The following C9orf50 variants were observed in gnomAD, a reference collection of about 807,000 sequenced individuals.
C9orf50 encodes the protein uncharacterized protein C9orf50.
A neutral mutation model predicts 42.5 loss-of-function variants in C9orf50; 33 were observed. That is an observed-to-expected ratio of 0.78 (90% CI 0.59 to 1.04). The LOEUF (loss-of-function observed/expected upper bound fraction) is 1.04. C9orf50 is among the 50% of genes least tolerant of loss of function. The pLI is 0.00. For synonymous variants in C9orf50, 257 were observed against 273.4 expected (o/e 0.94, Z 0.59); for missense variants, 547 against 594.3 (o/e 0.92, Z 0.83).
At chr9:129,615,124 C>T (rs1475193559) in intron 4 of C9orf50, among the ~76,000 whole-genome samples, 1 of 152,214 alleles carries the variant, frequency 6.6e-6, no homozygotes, top group Non-Finnish European at 1.5e-5. Flanking sequence ...GGCATCTGGA[C>T]CTCCTCCAGC....
At chr9:129,615,346 G>A in intron 4 of C9orf50, 138 bp downstream of exon 4, 1 of 953,156 alleles carries the variant, frequency 1.0e-6, no homozygotes, top group Non-Finnish European at 1.5e-6. Flanking sequence ...GCCAGTTCAG[G>A]CACATCCTCT....
chr9:129,615,437 G>A (rs1830319121), intron 4 of C9orf50, 47 bp downstream of exon 4: 1 of 1,517,424 alleles, frequency 6.6e-7, no homozygotes, highest in African/African-American at 1.4e-5. Context: ...CTGCCCTCCT[G>A]GCTAGAACTT....
intron 3 of C9orf50, among the ~76,000 whole-genome samples, chr9:129,616,612 G>A (rs1406055844): frequency 6.6e-6 from 1 of 152,124 alleles, no homozygotes; most frequent in Admixed American, 6.5e-5. Flanking sequence ...CCATTCTGCA[G>A]GTTTTTTTCC....
At chr9:129,612,715 C>CGAAAA (rs1830150021) in intron 6 of C9orf50, among the ~76,000 whole-genome samples, 1 of 152,100 alleles carries the variant, frequency 6.6e-6, no homozygotes, top group South Asian at 2.1e-4. Context: ...CTGTCTCTAC[C>CGAAAA]GAAAATACAA....
chr9:129,616,853 A>T (rs1476370215), intron 3 of C9orf50, among the ~76,000 whole-genome samples: 1 of 152,122 alleles, frequency 6.6e-6, no homozygotes, highest in African/African-American at 2.4e-5. Flanking sequence ...CAGGCAGATC[A>T]AAAGGTCAAG....
Position 129,620,167 on chromosome 9 carries a change from G to C in C9orf50, c.408C>G (p.Pro136=). The C allele has an allele frequency of 4.1e-6, 6 of 1,462,416 alleles. No individual in the cohort carries two copies. The highest frequency in any genetic ancestry group is 2.6e-5 in the East Asian group (1 of 39,008). The allele number at this position is 1,462,416 out of a possible 1,614,324, so 90.6% of individuals were successfully genotyped here. A position where few individuals can be genotyped will look rare whatever the true frequency, so the allele number is the denominator to read the frequency against. Residue 136 remains proline (P), a synonymous_variant, in exon 1 of 7, where the codon CCC becomes CCG. Coordinates refer to ENST00000372478, the Ensembl canonical transcript of C9orf50. This position sits in a 1 kb window ranked among gnomAD's most constrained non-coding sequence, Gnocchi z 5.8. ...CTCCTAGGAAGGCGCCCAAGAAGTC[G>C]GGGTCCTCCCTGGCCACGCGCCTCC...
In C9orf50 at chr9:129,613,165, G is replaced by A; in HGVS notation, c.1130C>T (p.Ala377Val). The A allele has an allele frequency of 6.2e-7, 1 of 1,613,800 alleles. No homozygotes were observed. The highest frequency in any genetic ancestry group is 8.5e-7 in the Non-Finnish European group (1 of 1,180,010). ...TCGGAGGCTGCTTCGCGGCCTCTGA[G>A]CAGCGGCCTTCTTCCATGAACAGAA... The change falls in exon 6 of 7, where the codon GCT (alanine) becomes GTT (valine). Residue 377 changes from alanine (A) to valine (V), a missense_variant. Around this residue, in one of 3 missense-constraint regions of C9orf50, gnomAD observed 334 missense variants for 323.7 expected, o/e 1.03. Transcript: ENST00000372478. The surrounding 1 kb of genome is among the most constrained non-coding windows in gnomAD (Gnocchi z 6.2).
chr9:129,613,845 C>A lies in C9orf50; in HGVS notation c.881-248G>T, dbSNP rs1830215065. On this transcript the variant is annotated intron_variant, in intron 4 of 6. Coordinates refer to ENST00000372478, the Ensembl canonical transcript of C9orf50. This position sits in a 1 kb window ranked among gnomAD's most constrained non-coding sequence, Gnocchi z 6.2. ...ACTCACGCTGCAGCCGGAAGCGTGC[C>A]CCCTTTCTCGCAGTGGGGAGACCAC... 6.6e-6 allele frequency among the ~76,000 whole-genome samples: 1 copy of A among 152,220 alleles called. No individual in the cohort carries two copies. Among genetic ancestry groups the A allele is most frequent in the South Asian group, 2.1e-4 (1 of 4,828 alleles).
Position 129,613,688 on chromosome 9 carries a change from G to A in C9orf50, c.881-91C>T. The A allele has an allele frequency of 6.6e-7, 1 of 1,516,068 alleles. No individual in the cohort carries two copies. Among genetic ancestry groups the A allele is most frequent in the South Asian group, 1.2e-5 (1 of 82,698 alleles). 93.9% of individuals were successfully genotyped at this position (1,516,068 alleles called of 1,614,324 possible). A position where few individuals can be genotyped will look rare whatever the true frequency, so the allele number is the denominator to read the frequency against. ...TTCCTCCCTCTGGCAGGCAGGGCCG[G>A]TCAGAGCCCTGTCTCCATGGCAACC... On this transcript the variant is annotated intron_variant, in intron 4 of 6. Transcript: ENST00000372478. The surrounding 1 kb of genome is among the most constrained non-coding windows in gnomAD (Gnocchi z 6.2).
chr9:129,620,498 C>T lies in C9orf50; in HGVS notation c.77G>A (p.Arg26His). 7.0e-7 allele frequency: 1 copy of T among 1,421,236 alleles called. No homozygotes were observed. The highest frequency in any genetic ancestry group is 9.2e-7 in the Non-Finnish European group (1 of 1,084,776). 88.0% of individuals were successfully genotyped at this position (1,421,236 alleles called of 1,614,324 possible). The change falls in exon 1 of 7, where the codon CGC (arginine) becomes CAC (histidine). Residue 26 changes from arginine to histidine, a missense_variant. By Grantham distance (29) the Arg-to-His change is conservative. Around this residue, in one of 3 missense-constraint regions of C9orf50, gnomAD observed 105 missense variants for 98.5 expected, o/e 1.07. Coordinates refer to ENST00000372478, the Ensembl canonical transcript of C9orf50. The surrounding 1 kb of genome is among the most constrained non-coding windows in gnomAD (Gnocchi z 5.8). ...CTTGGGCAGCCGCGGGTCGCTGCTG[C>T]GTCGGAAGTCTCCGTCGCCAGGGAG...
rs764011501 is a variant in C9orf50 at position 129,613,551 on chromosome 9, C to T, written c.927G>A (p.Ala309=). The change falls in exon 5 of 7, where the codon GCG becomes GCA. Residue 309 remains alanine, a synonymous_variant. Coordinates refer to ENST00000372478, the Ensembl canonical transcript of C9orf50. The surrounding 1 kb of genome is among the most constrained non-coding windows in gnomAD (Gnocchi z 6.2). ...CGACACTCCCAAACACCCGCTCGGA[C>T]GCCACTGGCAGGGCGGCCTTCTGGT... 64 of 1,614,100 alleles carry T rather than the reference C, an allele frequency of 4.0e-5. No homozygotes were observed. In the East Asian group the frequency reaches 4.2e-4, roughly 11 times the overall value.
In C9orf50 at chr9:129,615,664, G is replaced by A. The variant is rs765852587; in HGVS notation, c.717-17C>T. 3 of 1,519,084 alleles carry A rather than the reference G, an allele frequency of 2.0e-6. No homozygotes were observed. The South Asian group carries it at 3.8e-5, about 19-fold the overall frequency. 94.1% of individuals were successfully genotyped at this position (1,519,084 alleles called of 1,614,324 possible). Reference sequence around the variant, plus strand: ...TGGGGCCTGCTGAGAGAGGGGAGAGGGGCCTGTGCTCGAAGCCCCCCACCG... The same window carrying A: ...TGGGGCCTGCTGAGAGAGGGGAGAGAGGCCTGTGCTCGAAGCCCCCCACCG... On this transcript the variant is annotated splice_polypyrimidine_tract_variant and intron_variant, in intron 3 of 6. Transcript: ENST00000372478.
exon 3 of C9orf50, chr9:129,619,575 G>A (rs1341138107): frequency 6.2e-7 from 1 of 1,614,030 alleles, no homozygotes; most frequent in East Asian, 2.2e-5. Flanking sequence ...AGGGGCCCCA[G>A]AATAGGTGTC....
At chr9:129,617,955 A>C (rs1830476332) in intron 3 of C9orf50, among the ~76,000 whole-genome samples, 1 of 152,162 alleles carries the variant, frequency 6.6e-6, no homozygotes, top group African/African-American at 2.4e-5. Context: ...AAGCACTGGG[A>C]TTATAGGCAT....
intron 3 of C9orf50, among the ~76,000 whole-genome samples, chr9:129,618,491 G>A (rs995627220): frequency 6.6e-6 from 1 of 152,150 alleles, no homozygotes; most frequent in African/African-American, 2.4e-5. Context: ...AACTATGAAT[G>A]TATGGGTAGA....
chr9:129,621,654 C>T (rs1830722014), upstream of C9orf50, among the ~76,000 whole-genome samples: 1 of 152,214 alleles, frequency 6.6e-6, no homozygotes, highest in Non-Finnish European at 1.5e-5. Flanking sequence ...AGGCGTGAGT[C>T]CCCACTTCTG....
At position 129,612,408 on chromosome 9, in the gene C9orf50, C is replaced by T. The variant is rs1435842253; in HGVS notation, c.1235G>A (p.Gly412Asp). The change falls in exon 7 of 7, where the codon GGC becomes GAC. Residue 412 changes from glycine (G) to aspartate (D), a missense_variant. Gly to Asp is a moderately conservative substitution (Grantham distance 94). Transcript: ENST00000372478. ...GAGGAGATGGTACCCCTTAGGGCAG[C>T]CTTGCTTCAGGACCGACTGCAGCAC... 2.5e-6 allele frequency: 4 copies of T among 1,613,898 alleles called. No homozygotes were observed. In the Admixed American group the frequency reaches 6.7e-5, roughly 27 times the overall value.
intron 6 of C9orf50, 63 bp from the exon 7 acceptor site, chr9:129,612,517 CA>C: frequency 7.6e-7 from 1 of 1,311,520 alleles, no homozygotes; most frequent in Non-Finnish European, 1.1e-6. Context: ...ACTGGGCTCC[CA>C]GTGGGATTCT....
At position 129,619,996 on chromosome 9, in the gene C9orf50, G is replaced by A. The variant is rs1211075406; in HGVS notation, c.508+71C>T. 7.5e-6 allele frequency: 11 copies of A among 1,469,744 alleles called. No individual in the cohort carries two copies. The East Asian group carries it at 2.5e-4, about 33-fold the overall frequency. The allele number at this position is 1,469,744 out of a possible 1,614,324, so 91.0% of individuals were successfully genotyped here. A position where few individuals can be genotyped will look rare whatever the true frequency, so the allele number is the denominator to read the frequency against. ...TAGCCTGGGTGGTGGGGTGGTGGGT[G>A]CGGGGACACAAGGGACCACCCCCCA... On this transcript the variant is annotated intron_variant, in intron 1 of 6. Coordinates refer to ENST00000372478, the Ensembl canonical transcript of C9orf50.
Sources: allele counts gnomAD v4.1 joint callset (sites outside exome capture counted in the v4.1 genomes callset), GRCh38; gene constraint gnomAD v4.1.1; regional missense constraint gnomAD v4.1.1; non-coding constraint Gnocchi (gnomAD v3.1); transcripts MANE v1.5; gene names NCBI Gene and HGNC (gene_info 2026-07-23, HGNC 2026-07-21).